Variants in CAST observed in about 807,000 individuals in gnomAD.
CAST encodes MIR583 host.
A neutral mutation model predicts 119.6 loss-of-function variants in CAST; 76 were observed. The observed-to-expected ratio is 0.64, with a 90% confidence interval of 0.53 to 0.77. The LOEUF is 0.77. Among genes scored for constraint, CAST ranks in the 30% least tolerant of loss-of-function variants. CAST has a pLI of 0.00. For missense variants in CAST, 953 were observed against 946.5 expected (o/e 1.01, Z -0.09); for synonymous variants, 319 against 331.6 (o/e 0.96, Z 0.41).
At chr5:96,362,122 T>C in the CAST span, among the ~76,000 whole-genome samples, 1 of 152,074 alleles carries the variant, frequency 6.6e-6, no homozygotes, top group East Asian at 1.9e-4. Context: ...CTGAGAATGA[T>C]GGTTTCCAGC....
At chr5:96,385,752 G>T in the CAST span, among the ~76,000 whole-genome samples, 22 of 152,228 alleles carry the variant, frequency 1.4e-4, no homozygotes, top group Admixed American at 4.6e-4. Flanking sequence ...AAACTGTCAT[G>T]TATATTAATG....
the CAST span, among the ~76,000 whole-genome samples, chr5:96,302,171 C>A: frequency 6.6e-6 from 1 of 152,190 alleles, no homozygotes; most frequent in African/African-American, 2.4e-5. Flanking sequence ...CCCTCTGGAG[C>A]AGTGGCCTGA....
the CAST span, among the ~76,000 whole-genome samples, chr5:96,416,949 C>T: frequency 0.029 from 4,368 of 152,258 alleles, 210 homozygotes; most frequent in African/African-American, 0.1. Flanking sequence ...GGAGGGCCAA[C>T]AAGCCAAAAG....
the CAST span, among the ~76,000 whole-genome samples, chr5:96,039,254 T>C: frequency 6.6e-6 from 1 of 152,198 alleles, no homozygotes; most frequent in Non-Finnish European, 1.5e-5. Flanking sequence ...TTTAAATTCT[T>C]TGTAGATTCT....
Position 96,722,175 on chromosome 5 carries a change from G to C in CAST, c.211-464G>C, listed in dbSNP as rs910901710. On this transcript the variant is annotated intron_variant, in intron 3 of 31. Coordinates refer to ENST00000675179, the MANE Select transcript of CAST (RefSeq NM_001750.7). ...TGTACTTTGTATGTAAATGGACCTG[G>C]AAGACAAAGCTCAAAGTCACAGAGC... is the stretch of plus-strand genomic sequence containing the variant. Among the ~76,000 whole-genome samples, 3 of 152,296 alleles carry C rather than the reference G, an allele frequency of 2.0e-5. No individual in the cohort carries two copies. In the East Asian group the frequency reaches 5.8e-4, roughly 29 times the overall value.
intron 1 of CAST, among the ~76,000 whole-genome samples, chr5:96,614,467 T>C (rs1352568690): frequency 6.6e-6 from 1 of 152,212 alleles, no homozygotes; most frequent in Non-Finnish European, 1.5e-5. Context: ...GAATGAAAAC[T>C]GTTTTCCATG....
the CAST span, among the ~76,000 whole-genome samples, chr5:96,502,614 G>GTCTTTCTTTCTTTCTTTCTTTCTT: frequency 2.0e-4 from 28 of 143,272 alleles, 1 homozygote; most frequent in Admixed American, 4.3e-4. Flanking sequence ...AAGTTACCTA[G>GTCTTTCTTTCTTTCTTTCTTTCTT]TCTTTCTTTC....
chr5:96,173,259 G>A, the CAST span, among the ~76,000 whole-genome samples: 1 of 152,206 alleles, frequency 6.6e-6, no homozygotes, highest in South Asian at 2.1e-4. Flanking sequence ...ATGTTAAATT[G>A]GATATAATGT....
the CAST span, among the ~76,000 whole-genome samples, chr5:96,170,928 A>G: frequency 6.6e-6 from 1 of 152,160 alleles, no homozygotes; most frequent in Non-Finnish European, 1.5e-5. Context: ...GCAGAGGCTG[A>G]GGAAGAATTG....
At chr5:96,022,339 A>G in the CAST span, among the ~76,000 whole-genome samples, 2,882 of 152,306 alleles carry the variant, frequency 0.019, 81 homozygotes, top group African/African-American at 0.065. Flanking sequence ...TCTATCATAA[A>G]CATGTGTCAA....
chr5:96,757,431 C>A lies in CAST; in HGVS notation c.1711-13C>A. On this transcript the variant is annotated splice_polypyrimidine_tract_variant and intron_variant, in intron 22 of 31. Coordinates refer to ENST00000675179, the MANE Select transcript of CAST (RefSeq NM_001750.7). Reference sequence around the variant, plus strand: ...AAAATGATTTCATGCCATGTGTTTTCCCCCCCGGATAGGATAAAGATGGAA... The same window carrying A: ...AAAATGATTTCATGCCATGTGTTTTACCCCCCGGATAGGATAAAGATGGAA... 1 of 1,608,620 alleles carries A rather than the reference C, an allele frequency of 6.2e-7. No individual in the cohort carries two copies. Among genetic ancestry groups the A allele is most frequent in the Non-Finnish European group, 8.5e-7 (1 of 1,175,210 alleles).
At chr5:96,347,373 T>G in the CAST span, among the ~76,000 whole-genome samples, 1 of 152,332 alleles carries the variant, frequency 6.6e-6, no homozygotes, top group Non-Finnish European at 1.5e-5. Context: ...CATTCTGCAC[T>G]GCTCAGAAGT....
intron 1 of CAST, among the ~76,000 whole-genome samples, chr5:96,634,505 G>T (rs923527539): frequency 1.3e-4 from 20 of 152,104 alleles, no homozygotes; most frequent in African/African-American, 4.3e-4. Flanking sequence ...CAGCAGAATG[G>T]ACTCTTATCT....
the CAST span, among the ~76,000 whole-genome samples, chr5:96,484,713 T>C: frequency 2.6e-5 from 4 of 151,840 alleles, no homozygotes; most frequent in Non-Finnish European, 5.9e-5. Flanking sequence ...CACTCTGCAG[T>C]TGAAAAATGA....
intron 6 of CAST, among the ~76,000 whole-genome samples, chr5:96,727,887 A>C (rs998830164): frequency 2.6e-5 from 4 of 152,220 alleles, no homozygotes; most frequent in African/African-American, 9.7e-5. Flanking sequence ...AATTCCAATG[A>C]GACATCAAGA....
the CAST span, among the ~76,000 whole-genome samples, chr5:96,342,782 A>T: frequency 1.3e-5 from 2 of 152,342 alleles, no homozygotes; most frequent in Middle Eastern, 3.4e-3. Context: ...CATCTCTGAA[A>T]ATGGGATGTG....
the CAST span, among the ~76,000 whole-genome samples, chr5:96,065,861 G>A: frequency 1.3e-5 from 2 of 152,112 alleles, no homozygotes; most frequent in Admixed American, 6.6e-5. Flanking sequence ...ACCTTACTAT[G>A]ACTATGAAAG....
At chr5:96,021,346 A>T in the CAST span, among the ~76,000 whole-genome samples, 2 of 152,162 alleles carry the variant, frequency 1.3e-5, no homozygotes, top group Non-Finnish European at 2.9e-5. Context: ...AGTATTTAGG[A>T]TTCTAAAAGC....
chr5:96,397,553 G>A, the CAST span: 2,880 of 1,314,210 alleles, frequency 2.2e-3, 40 homozygotes, highest in East Asian at 2.1e-3. Flanking sequence ...GAAAATAAAA[G>A]CTGAAAAAGA....
Sources: gnomAD v4.1 joint callset for allele counts (sites outside exome capture counted in the v4.1 genomes callset) on GRCh38, gnomAD v4.1.1 for gene constraint, MANE v1.5 for transcripts, NCBI Gene and HGNC (gene_info 2026-07-23, HGNC 2026-07-21) for gene names.